The following RALGAPA2 variants were observed in gnomAD, a reference collection of about 807,000 sequenced individuals.
RALGAPA2 encodes the protein Ral GTPase activating protein catalytic subunit alpha 2, also known as ral GTPase-activating protein subunit alpha-2.
In RALGAPA2, 139 loss-of-function variants were observed where a neutral mutation model predicts 230.4. That is an observed-to-expected ratio of 0.60 (90% CI 0.53 to 0.69). The LOEUF (loss-of-function observed/expected upper bound fraction) is 0.69, where lower values mean the gene tolerates loss of function less well. Among genes scored for constraint, RALGAPA2 ranks in the 30% least tolerant of loss-of-function variants. RALGAPA2 has a pLI of 0.00. For synonymous variants in RALGAPA2, 847 were observed against 837.8 expected (o/e 1.01, Z -0.19); for missense variants, 2,163 against 2,276.0 (o/e 0.95, Z 1.01).
At chr20:20,396,028 GCC>G (rs2059708106) in intron 39 of RALGAPA2, among the ~76,000 whole-genome samples, 1 of 152,246 alleles carries the variant, frequency 6.6e-6, no homozygotes, top group Non-Finnish European at 1.5e-5. Flanking sequence ...TTTTCAGACA[GCC>G]TTGCCAAGGC....
At chr20:20,683,432 T>C (rs2068590610) in intron 1 of RALGAPA2, among the ~76,000 whole-genome samples, 1 of 152,128 alleles carries the variant, frequency 6.6e-6, no homozygotes, top group Non-Finnish European at 1.5e-5. Flanking sequence ...CCCTGCCTGA[T>C]TTCCCCCACT....
chr20:20,619,497 TATA>T, intron 11 of RALGAPA2, 83 bp from the exon 12 acceptor site: 1 of 1,031,284 alleles, frequency 9.7e-7, no homozygotes, highest in Non-Finnish European at 1.2e-6. Context: ...TTAAATATAT[TATA>T]TAAACTAAGT....
At chr20:20,467,897 C>T (rs1010156911) in intron 37 of RALGAPA2, among the ~76,000 whole-genome samples, 18 of 152,120 alleles carry the variant, frequency 1.2e-4, no homozygotes, top group African/African-American at 4.1e-4. Flanking sequence ...ATCTCTAATT[C>T]CTCATTCCCT....
At chr20:20,458,525 A>G (rs1415514226) in intron 37 of RALGAPA2, among the ~76,000 whole-genome samples, 1 of 138,206 alleles carries the variant, frequency 7.2e-6, no homozygotes, top group Non-Finnish European at 1.5e-5. Context: ...TGTATTTTAT[A>G]TATATTATAT....
intron 35 of RALGAPA2, among the ~76,000 whole-genome samples, chr20:20,495,619 A>G (rs1471578909): frequency 2.0e-5 from 3 of 152,262 alleles, no homozygotes; most frequent in African/African-American, 7.2e-5. Context: ...TAAACAATTA[A>G]CAACACGTGT....
chr20:20,475,644 T>C (rs894164231), intron 36 of RALGAPA2, among the ~76,000 whole-genome samples: 1 of 152,126 alleles, frequency 6.6e-6, no homozygotes, highest in Non-Finnish European at 1.5e-5. Context: ...TAATTAATGA[T>C]GAAAGATTAA....
At chr20:20,675,583 G>T (rs1203699689) in intron 3 of RALGAPA2, among the ~76,000 whole-genome samples, 1 of 152,118 alleles carries the variant, frequency 6.6e-6, no homozygotes, top group African/African-American at 2.4e-5. Flanking sequence ...GTGTTCTCCA[G>T]GTACCCGTAA....
intron 36 of RALGAPA2, among the ~76,000 whole-genome samples, chr20:20,486,819 G>A (rs76869236): frequency 6.6e-6 from 1 of 152,186 alleles, no homozygotes; most frequent in East Asian, 1.9e-4. Flanking sequence ...CACATCCACA[G>A]GCTCACAATT....
chr20:20,560,247 C>T (rs16981982), intron 23 of RALGAPA2, among the ~76,000 whole-genome samples: 5,179 of 152,256 alleles, frequency 0.034, 289 homozygotes, highest in African/African-American at 0.12. Context: ...ACGTGTTCAA[C>T]TAGACTCCAG....
chr20:20,585,345 G>A lies in RALGAPA2; in HGVS notation c.2440-390C>T, dbSNP rs139592125. ...TGATAAGTGTGCTGGTAGGGAAGGCGCAAACTCCACCCAGAGATCTAAAGG... is the reference window on the plus strand; with the variant it reads ...TGATAAGTGTGCTGGTAGGGAAGGCACAAACTCCACCCAGAGATCTAAAGG... On this transcript the variant is annotated intron_variant, in intron 18 of 39. Coordinates refer to ENST00000202677, the MANE Select transcript of RALGAPA2 (RefSeq NM_020343.4). 1.3e-4 allele frequency among the ~76,000 whole-genome samples: 20 copies of A among 152,146 alleles called. No homozygotes were observed. In the East Asian group the frequency reaches 2.9e-3, roughly 22 times the overall value.
chr20:20,468,941 C>CTGTG (rs373453686), intron 37 of RALGAPA2, among the ~76,000 whole-genome samples: 7 of 148,156 alleles, frequency 4.7e-5, no homozygotes, highest in African/African-American at 1.0e-4. Flanking sequence ...CACCTCCATC[C>CTGTG]TGTGTGTGTG....
Position 20,512,753 on chromosome 20 carries a change from T to A in RALGAPA2, c.4616A>T (p.Gln1539Leu). Residue 1539 changes from glutamine to leucine, a missense_variant, in exon 32 of 40, where the codon CAG (glutamine) becomes CTG (leucine). Coordinates refer to ENST00000202677, the MANE Select transcript of RALGAPA2 (RefSeq NM_020343.4). Reference sequence around the variant, plus strand: ...TAGGGAAGGTTCATTTAGATTTAGCTGTGACGGTAAAAGGCATTCAGGACT... The same window carrying A: ...TAGGGAAGGTTCATTTAGATTTAGCAGTGACGGTAAAAGGCATTCAGGACT... ...HTSPECLLPS[Q>L]LNLNEPSLTP... is the part of the protein sequence containing the mutation. 1.2e-6 allele frequency: 2 copies of A among 1,613,900 alleles called. No homozygotes were observed. Among genetic ancestry groups the A allele is most frequent in the Non-Finnish European group, 8.5e-7 (1 of 1,179,758 alleles).
At chr20:20,593,078 C>T (rs1568622310) in intron 16 of RALGAPA2, among the ~76,000 whole-genome samples, 1 of 152,118 alleles carries the variant, frequency 6.6e-6, no homozygotes, top group African/African-American at 2.4e-5. Context: ...CCACTATACC[C>T]AAAAAATTTT....
intron 37 of RALGAPA2, among the ~76,000 whole-genome samples, chr20:20,445,142 G>A (rs527919443): frequency 6.6e-6 from 1 of 152,154 alleles, no homozygotes; most frequent in Admixed American, 6.5e-5. Context: ...TGTATGTGTA[G>A]GAAAAACGTA....
intron 23 of RALGAPA2, among the ~76,000 whole-genome samples, chr20:20,549,856 G>A (rs2063875647): frequency 6.6e-6 from 1 of 152,054 alleles, no homozygotes; most frequent in South Asian, 2.1e-4. Context: ...AGCCTCCAGG[G>A]CTTTATATAT....
At chr20:20,420,470 T>G (rs1318383475) in intron 37 of RALGAPA2, among the ~76,000 whole-genome samples, 3 of 152,198 alleles carry the variant, frequency 2.0e-5, no homozygotes, top group African/African-American at 7.2e-5. Flanking sequence ...CTTTTGGGCA[T>G]GTGGAAGAGG....
At chr20:20,667,771 T>G (rs528498998) in intron 3 of RALGAPA2, among the ~76,000 whole-genome samples, 1 of 152,200 alleles carries the variant, frequency 6.6e-6, no homozygotes, top group South Asian at 2.1e-4. Context: ...TGGAGAAAGG[T>G]TGAAGGTGTG....
intron 23 of RALGAPA2, among the ~76,000 whole-genome samples, chr20:20,566,999 A>G (rs1438799703): frequency 6.6e-6 from 1 of 152,242 alleles, no homozygotes; most frequent in Non-Finnish European, 1.5e-5. Context: ...AAATGTCTAT[A>G]TGCATATTTG....
intron 16 of RALGAPA2, among the ~76,000 whole-genome samples, chr20:20,592,562 T>G (rs2065323279): frequency 6.6e-6 from 1 of 152,194 alleles, no homozygotes; most frequent in African/African-American, 2.4e-5. Context: ...GTCATGAAAC[T>G]TTACATCCAC....
Sources: gnomAD v4.1 joint callset for allele counts (sites outside exome capture counted in the v4.1 genomes callset) on GRCh38, gnomAD v4.1.1 for gene constraint, MANE v1.5 for transcripts, NCBI Gene and HGNC (gene_info 2026-07-23, HGNC 2026-07-21) for gene names.